Variants in RFWD3 observed in about 807,000 individuals in gnomAD.
RFWD3 encodes ring finger and WD repeat domain 3, also known as E3 ubiquitin-protein ligase RFWD3.
In RFWD3, 65 loss-of-function variants were observed where a neutral mutation model predicts 87.7. The observed-to-expected ratio is 0.74, with a 90% confidence interval of 0.61 to 0.91. RFWD3 has a LOEUF of 0.91. Ranked by LOEUF, RFWD3 falls within the 40% of genes least tolerant of loss-of-function variation. RFWD3 has a pLI of 0.00. For synonymous variants in RFWD3, 433 were observed against 352.8 expected (o/e 1.23, Z -2.55); for missense variants, 1,078 against 938.5 (o/e 1.15, Z -1.94).
At position 74,621,504 on chromosome 16, in the gene RFWD3, A is replaced by G. The variant is rs1056208718; in HGVS notation, c.*2424T>C. On this transcript the variant is annotated 3_prime_UTR_variant, in exon 13 of 13. Transcript: ENST00000361070. ...ATGGCCCTGTTTTCAAAGCAGGGGC[A>G]AGAATACATACAATGACAAGACATT... 1 of 152,190 alleles carries G rather than the reference A, an allele frequency of 6.6e-6. No individual in the cohort carries two copies. Among genetic ancestry groups the G allele is most frequent in the Non-Finnish European group, 1.5e-5 (1 of 68,038 alleles). 9.4% of individuals were successfully genotyped at this position (152,190 alleles called of 1,614,324 possible).
chr16:74,649,671 G>A (rs1273919249), intron 3 of RFWD3, among the ~76,000 whole-genome samples: 1 of 151,870 alleles, frequency 6.6e-6, no homozygotes, highest in Non-Finnish European at 1.5e-5. Context: ...AAATATCCAG[G>A]CATCCAGTTC....
chr16:74,629,670 A>C (rs1326392817), intron 10 of RFWD3, among the ~76,000 whole-genome samples: 1 of 152,108 alleles, frequency 6.6e-6, no homozygotes, highest in East Asian at 1.9e-4. Context: ...ACCAACAAAA[A>C]AAAAAAACCT....
chr16:74,637,201 G>T (rs186339848), intron 7 of RFWD3, among the ~76,000 whole-genome samples: 40 of 151,260 alleles, frequency 2.6e-4, no homozygotes, highest in Admixed American at 2.2e-3. Flanking sequence ...AGGCTGGAGT[G>T]CAGTAGTGCG....
intron 2 of RFWD3, among the ~76,000 whole-genome samples, chr16:74,657,367 GA>G (rs1961071027): frequency 1.3e-5 from 2 of 152,062 alleles, no homozygotes; most frequent in South Asian, 4.1e-4. Context: ...CCTGAATTAT[GA>G]AAAAGTTGAT....
chr16:74,652,136 A>G lies in RFWD3; in HGVS notation c.519-14T>C, dbSNP rs1224601031. 6.2e-7 allele frequency: 1 copy of G among 1,609,032 alleles called. No individual in the cohort carries two copies. The highest frequency in any genetic ancestry group is 1.3e-5 in the African/African-American group (1 of 74,804). ...GGTGCTCTCAACCTATGTACACAGA[A>G]AGACAACGGAATTATAGTACAATGA... On this transcript the variant is annotated splice_polypyrimidine_tract_variant and intron_variant, in intron 2 of 12. Coordinates refer to ENST00000361070, the MANE Select transcript of RFWD3 (RefSeq NM_018124.4).
intron 8 of RFWD3, among the ~76,000 whole-genome samples, 181 bp downstream of exon 8, chr16:74,636,165 C>G (rs1283790376): frequency 6.6e-6 from 1 of 152,180 alleles, no homozygotes; most frequent in Non-Finnish European, 1.5e-5. Flanking sequence ...AATAAATTTA[C>G]AGAATGAAGT....
chr16:74,642,569 T>C (rs973809359), intron 6 of RFWD3, among the ~76,000 whole-genome samples: 1 of 152,144 alleles, frequency 6.6e-6, no homozygotes, highest in Non-Finnish European at 1.5e-5. Flanking sequence ...GGCATGACCA[T>C]AGCTCACTGC....
intron 6 of RFWD3, among the ~76,000 whole-genome samples, chr16:74,643,669 GTTTT>G (rs35397997): frequency 1.1e-4 from 12 of 105,050 alleles, no homozygotes; most frequent in Non-Finnish European, 1.5e-4. Flanking sequence ...ACTAGCAACT[GTTTT>G]TTTTTTTTTT....
Position 74,621,745 on chromosome 16 carries a change from G to C in RFWD3, c.*2183C>G, listed in dbSNP as rs1024163929. The C allele has an allele frequency of 4.0e-5, 6 of 151,626 alleles. No individual in the cohort carries two copies. Among genetic ancestry groups the C allele is most frequent in the African/African-American group, 1.5e-4 (6 of 41,138 alleles). 9.4% of individuals were successfully genotyped at this position (151,626 alleles called of 1,614,324 possible). A position where few individuals can be genotyped will look rare whatever the true frequency, so the allele number is the denominator to read the frequency against. On this transcript the variant is annotated 3_prime_UTR_variant, in exon 13 of 13. Coordinates refer to ENST00000361070, the MANE Select transcript of RFWD3 (RefSeq NM_018124.4). ...GTCTTGCTCTGTCACCGAGGCTGGA[G>C]TGCAGTGGCGCGATCTCGACTCACT...
chr16:74,661,339 C>A lies in RFWD3; in HGVS notation c.111G>T (p.Gln37His). Residue 37 changes from glutamine to histidine, a missense_variant, in exon 2 of 13, where the codon CAG (glutamine) becomes CAT (histidine). Transcript: ENST00000361070. ...TGCTGACCACATCAGCAGGAACAGG[C>A]TGGAGGAGGGCTGGTCCCCCTTGGC... ...ASSQGGPALL[Q>H]PVPADVVSSQ... 1 of 1,614,104 alleles carries A rather than the reference C, an allele frequency of 6.2e-7. No homozygotes were observed. Among genetic ancestry groups the A allele is most frequent in the Non-Finnish European group, 8.5e-7 (1 of 1,180,024 alleles).
chr16:74,659,803 C>A (rs922239152), intron 2 of RFWD3, among the ~76,000 whole-genome samples: 1 of 152,186 alleles, frequency 6.6e-6, no homozygotes, highest in Non-Finnish European at 1.5e-5. Context: ...ACAACCAAAT[C>A]ACAAATTATC....
At chr16:74,626,217 G>T in intron 12 of RFWD3, 126 bp downstream of exon 12, 1 of 783,170 alleles carries the variant, frequency 1.3e-6, no homozygotes, top group East Asian at 2.5e-5. Flanking sequence ...CGGATATGTG[G>T]GATTACAGAG....
chr16:74,655,839 T>G lies in RFWD3; in HGVS notation c.519-3717A>C, dbSNP rs74250243. Among the ~76,000 whole-genome samples the G allele has an allele frequency of 3.3e-5, 5 of 152,346 alleles. No individual in the cohort carries two copies. The East Asian group carries it at 9.6e-4, about 29-fold the overall frequency. On this transcript the variant is annotated intron_variant, in intron 2 of 12. Coordinates refer to ENST00000361070, the MANE Select transcript of RFWD3 (RefSeq NM_018124.4). ...CCACACCCGGCCTATGTCTGTGCTC[T>G]CTAAATGGAACTACAAAGCCTGGAT...
At chr16:74,655,208 G>A (rs1960871089) in intron 2 of RFWD3, among the ~76,000 whole-genome samples, 1 of 152,150 alleles carries the variant, frequency 6.6e-6, no homozygotes, top group African/African-American at 2.4e-5. Context: ...TCTCTTGTTA[G>A]GGGATAATGC....
At chr16:74,653,474 A>G (rs1376052383) in intron 2 of RFWD3, among the ~76,000 whole-genome samples, 2 of 151,828 alleles carry the variant, frequency 1.3e-5, no homozygotes, top group Non-Finnish European at 2.9e-5. Context: ...AGGTGGCAAG[A>G]GAGAGACTCC....
chr16:74,660,224 C>T (rs539233394), intron 2 of RFWD3, among the ~76,000 whole-genome samples: 2 of 151,910 alleles, frequency 1.3e-5, no homozygotes, highest in East Asian at 1.9e-4. Context: ...GAGCGGAGAT[C>T]GCACCACTGC....
intron 6 of RFWD3, among the ~76,000 whole-genome samples, chr16:74,640,293 G>C (rs1052673628): frequency 2.6e-5 from 4 of 151,778 alleles, no homozygotes; most frequent in Non-Finnish European, 5.9e-5. Flanking sequence ...TTACAGGTGT[G>C]TGCCACCACG....
intron 10 of RFWD3, among the ~76,000 whole-genome samples, chr16:74,630,378 G>A (rs1317869261): frequency 6.6e-6 from 1 of 152,216 alleles, no homozygotes; most frequent in African/African-American, 2.4e-5. Context: ...GATTACAGGC[G>A]TAAGCCACCG....
Position 74,630,868 on chromosome 16 carries a change from T to A in RFWD3, c.1667A>T (p.Tyr556Phe), listed in dbSNP as rs755594453. The change falls in exon 10 of 13, where the codon TAT becomes TTT. Residue 556 changes from tyrosine (Y) to phenylalanine (F), a missense_variant. By Grantham distance (22) the Tyr-to-Phe change is conservative (BLOSUM62 3). Transcript: ENST00000361070. ...CWCLDEANYI[Y>F]AGLANGSILV... ...AATTGAACCATTGGCCAGTCCAGCATAGATGTAGTTAGCCTCATCAAGACA... is the reference window on the plus strand; with the variant it reads ...AATTGAACCATTGGCCAGTCCAGCAAAGATGTAGTTAGCCTCATCAAGACA... The A allele has an allele frequency of 1.9e-6, 3 of 1,614,076 alleles. No homozygotes were observed. Among genetic ancestry groups the A allele is most frequent in the South Asian group, 1.1e-5 (1 of 91,078 alleles).
Sources: gnomAD v4.1 joint callset for allele counts (sites outside exome capture counted in the v4.1 genomes callset) on GRCh38, gnomAD v4.1.1 for gene constraint, MANE v1.5 for transcripts, NCBI Gene and HGNC (gene_info 2026-07-23, HGNC 2026-07-21) for gene names.